The following SLC8A1 variants were observed in gnomAD, a reference collection of about 807,000 sequenced individuals.
SLC8A1 encodes sodium/calcium exchanger 1.
SLC8A1 carries 18 observed loss-of-function variants against 68.3 expected under a neutral mutation model. The observed-to-expected ratio is 0.26, with a 90% CI of 0.18 to 0.39. SLC8A1 has a LOEUF of 0.39. Among genes scored for constraint, SLC8A1 ranks in the 10% least tolerant of loss-of-function variants. The probability of loss-of-function intolerance (pLI) is 1.00; values close to 1 mark genes in which losing one functional copy is unlikely to be tolerated. For missense variants in SLC8A1, 985 were observed against 1,156.7 expected, an observed-to-expected ratio of 0.85 and a Z score of 2.15; for synonymous variants, 475 against 415.5, an observed-to-expected ratio of 1.14 and a Z score of -1.74.
intron 2 of SLC8A1, among the ~76,000 whole-genome samples, chr2:40,417,720 G>C (rs1025889263): frequency 6.6e-6 from 1 of 152,138 alleles, no homozygotes; most frequent in Non-Finnish European, 1.5e-5. Context: ...TGGGCCTTTA[G>C]TCTTTATGTT....
At chr2:40,229,904 A>C (rs977468667) in intron 2 of SLC8A1, among the ~76,000 whole-genome samples, 2 of 152,226 alleles carry the variant, frequency 1.3e-5, no homozygotes, top group African/African-American at 4.8e-5. Context: ...TAGCAATAGC[A>C]AAAGATAAAT....
chr2:40,112,710 G>T (rs1468172494), exon 8 of SLC8A1: 1 of 151,764 alleles, frequency 6.6e-6, no homozygotes, highest in African/African-American at 2.4e-5. Flanking sequence ...ACAAAGAATT[G>T]TAAAGTGTGG....
chr2:40,267,632 G>A (rs902740503), intron 2 of SLC8A1, among the ~76,000 whole-genome samples: 1 of 152,158 alleles, frequency 6.6e-6, no homozygotes, highest in African/African-American at 2.4e-5. Context: ...TGGAATGAAT[G>A]AATGAATGGG....
At chr2:40,247,295 T>C (rs991472677) in intron 2 of SLC8A1, among the ~76,000 whole-genome samples, 1 of 152,202 alleles carries the variant, frequency 6.6e-6, no homozygotes, top group African/African-American at 2.4e-5. Context: ...AGTTCTACCA[T>C]GGTCCTGAAC....
intron 2 of SLC8A1, among the ~76,000 whole-genome samples, chr2:40,382,201 C>A (rs1295625501): frequency 6.6e-6 from 1 of 152,094 alleles, no homozygotes; most frequent in Non-Finnish European, 1.5e-5. Flanking sequence ...AGAGGCCAAG[C>A]TTAATGACCT....
chr2:40,154,479 C>CTTTTTTTTTT (rs144812656), intron 6 of SLC8A1, among the ~76,000 whole-genome samples: 96 of 30,010 alleles, frequency 3.2e-3, no homozygotes, highest in Non-Finnish European at 4.5e-3. Flanking sequence ...AATTTTTTTT[C>CTTTTTTTTTT]TTTTCTTTTT....
chr2:40,248,114 G>GT (rs1351886227), intron 2 of SLC8A1, among the ~76,000 whole-genome samples: 1 of 152,162 alleles, frequency 6.6e-6, no homozygotes, highest in Admixed American at 6.6e-5. Context: ...ACTCCATGGA[G>GT]TAAGTACCAA....
chr2:40,270,308 C>T (rs1175924896), intron 2 of SLC8A1, among the ~76,000 whole-genome samples: 2 of 152,188 alleles, frequency 1.3e-5, no homozygotes, highest in African/African-American at 4.8e-5. Context: ...TTTTCTAATG[C>T]TGCTGTAACA....
At chr2:40,276,647 G>C (rs1235065480) in intron 2 of SLC8A1, among the ~76,000 whole-genome samples, 1 of 152,136 alleles carries the variant, frequency 6.6e-6, no homozygotes, top group Non-Finnish European at 1.5e-5. Context: ...TGCAGTCAAG[G>C]GCAGTACTCT....
At chr2:40,344,740 G>A (rs984698717) in intron 2 of SLC8A1, among the ~76,000 whole-genome samples, 4 of 152,122 alleles carry the variant, frequency 2.6e-5, no homozygotes, top group African/African-American at 9.7e-5. Context: ...GTTGAGGACA[G>A]CCCTCCTAGG....
chr2:40,303,759 C>T (rs558253050), intron 2 of SLC8A1, among the ~76,000 whole-genome samples: 3 of 152,182 alleles, frequency 2.0e-5, no homozygotes, highest in East Asian at 3.9e-4. Flanking sequence ...CCTTTCAATA[C>T]GAGGGGGATT....
intron 4 of SLC8A1, among the ~76,000 whole-genome samples, chr2:40,171,026 G>C (rs547385328): frequency 2.0e-5 from 3 of 152,150 alleles, no homozygotes; most frequent in Non-Finnish European, 4.4e-5. Context: ...TCCTGGTTCA[G>C]CTGACTTCCA....
At position 40,172,393 on chromosome 2, in the gene SLC8A1, A is replaced by G. The variant is rs546605923; in HGVS notation, c.1930+2432T>C. Among the ~76,000 whole-genome samples the G allele has an allele frequency of 5.9e-5, 9 of 152,276 alleles. No individual in the cohort carries two copies. In the South Asian group the frequency reaches 1.9e-3, roughly 32 times the overall value. ...TTAGGAAGAGGTGATGGTAATAGGA[A>G]ACTGCCATTTCAGATTACAGTTTCA... On this transcript the variant is annotated intron_variant, in intron 4 of 7. Coordinates refer to ENST00000406785, the Ensembl canonical transcript of SLC8A1.
rs79891056 is a variant in SLC8A1 at position 40,118,014 on chromosome 2, G to C, written c.2438-2385C>G. Among the ~76,000 whole-genome samples, 972 of 152,284 alleles carry C rather than the reference G, an allele frequency of 6.4e-3. 8 individuals are homozygous for C. Among genetic ancestry groups the C allele is most frequent in the African/African-American group, 0.022 (902 of 41,540 alleles). On this transcript the variant is annotated intron_variant, in intron 7 of 7. Coordinates refer to ENST00000406785, the Ensembl canonical transcript of SLC8A1. Reference sequence around the variant, plus strand: ...TTCTGCCCTCTGCCTGTGATGAAAAGCAGATCTGATTATTATTTCATAATT... The same window carrying C: ...TTCTGCCCTCTGCCTGTGATGAAAACCAGATCTGATTATTATTTCATAATT...
intron 1 of SLC8A1, among the ~76,000 whole-genome samples, chr2:40,507,157 G>A (rs1448216567): frequency 1.3e-5 from 2 of 152,056 alleles, no homozygotes; most frequent in East Asian, 3.9e-4. Context: ...GCACGTATGG[G>A]TGATAGGTCC....
chr2:40,511,351 G>C (rs563280476), intron 1 of SLC8A1, among the ~76,000 whole-genome samples: 1 of 152,062 alleles, frequency 6.6e-6, no homozygotes, highest in South Asian at 2.1e-4. Context: ...TTTTTCTCTT[G>C]ACTTTTGTGT....
At chr2:40,483,214 A>T (rs1170201873) in intron 1 of SLC8A1, among the ~76,000 whole-genome samples, 1 of 88,706 alleles carries the variant, frequency 1.1e-5, no homozygotes, top group Non-Finnish European at 2.8e-5. Flanking sequence ...CTATGTATTT[A>T]TGTATTTTAT....
intron 2 of SLC8A1, among the ~76,000 whole-genome samples, chr2:40,391,681 A>T (rs1279868439): frequency 6.6e-6 from 1 of 152,030 alleles, no homozygotes; most frequent in Non-Finnish European, 1.5e-5. Flanking sequence ...CATATCCACA[A>T]CTTGGAACTC....
chr2:40,454,209 T>C (rs1164058138), upstream of SLC8A1, among the ~76,000 whole-genome samples: 1 of 152,016 alleles, frequency 6.6e-6, no homozygotes, highest in African/African-American at 2.4e-5. Context: ...TAAATAACAC[T>C]AAGGAAAGCT....
Sources: gnomAD v4.1 joint callset for allele counts (sites outside exome capture counted in the v4.1 genomes callset) on GRCh38, gnomAD v4.1.1 for gene constraint, MANE v1.5 for transcripts, NCBI Gene and HGNC (gene_info 2026-07-23, HGNC 2026-07-21) for gene names.